LDLRAD4: variants seen among roughly 807,000 people sequenced by gnomAD.
The protein encoded by LDLRAD4 is low-density lipoprotein receptor class A domain-containing protein 4.
In LDLRAD4, 5 loss-of-function variants were observed where a neutral mutation model predicts 17.0. The observed-to-expected ratio is 0.29, with a 90% CI of 0.15 to 0.62. The LOEUF (loss-of-function observed/expected upper bound fraction) is 0.62. Among genes scored for constraint, LDLRAD4 ranks in the 20% least tolerant of loss-of-function variants. LDLRAD4 has a pLI of 0.84. For synonymous variants in LDLRAD4, 168 were observed against 171.8 expected (o/e 0.98, Z 0.17); for missense variants, 340 against 424.7 (o/e 0.80, Z 1.75).
intron 3 of LDLRAD4, chr18:13,611,675 G>C (rs942548981): frequency 2.0e-6 from 2 of 985,368 alleles, no homozygotes; most frequent in Non-Finnish European, 2.4e-6. Flanking sequence ...TAGGAACATT[G>C]AGCATCCTGA....
chr18:13,406,994 G>A (rs1346855614), intron 2 of LDLRAD4, among the ~76,000 whole-genome samples: 3 of 152,126 alleles, frequency 2.0e-5, no homozygotes, highest in Non-Finnish European at 2.9e-5. Flanking sequence ...CAGGACTGTC[G>A]GCCTCTGCCC....
At chr18:13,441,473 G>C (rs961264527) in intron 3 of LDLRAD4, among the ~76,000 whole-genome samples, 1 of 152,220 alleles carries the variant, frequency 6.6e-6, no homozygotes, top group Admixed American at 6.5e-5. Flanking sequence ...GGATTGGCTT[G>C]TGTGATCTAT....
chr18:13,391,325 T>C (rs2086259356), intron 2 of LDLRAD4, among the ~76,000 whole-genome samples: 1 of 152,076 alleles, frequency 6.6e-6, no homozygotes, highest in Non-Finnish European at 1.5e-5. Context: ...CTGGGAGACC[T>C]GCCATGAAGC....
intron 1 of LDLRAD4, among the ~76,000 whole-genome samples, chr18:13,311,696 G>A (rs2047242593): frequency 1.3e-5 from 2 of 152,196 alleles, no homozygotes; most frequent in Non-Finnish European, 2.9e-5. Flanking sequence ...TATGCCCAAA[G>A]GCCTGAGTCC....
chr18:13,465,476 T>C (rs1030109785), intron 3 of LDLRAD4, among the ~76,000 whole-genome samples: 1 of 152,068 alleles, frequency 6.6e-6, no homozygotes, highest in African/African-American at 2.4e-5. Flanking sequence ...TGAAAATGAG[T>C]AAAGGGGAGA....
chr18:13,503,190 G>A lies in LDLRAD4; in HGVS notation c.181+64806G>A, dbSNP rs181582682. On this transcript the variant is annotated intron_variant, in intron 3 of 5. Transcript: ENST00000359446. ...ATACTAGGGGCATTTAACGTTTTAA[G>A]CTTTCCTCCAGGGTTTTTTCCTCAG... 2.0e-5 allele frequency among the ~76,000 whole-genome samples: 3 copies of A among 152,344 alleles called. No homozygotes were observed. In the East Asian group the frequency reaches 5.8e-4, roughly 29 times the overall value.
chr18:13,651,170 T>A (rs1188668933), exon 6 of LDLRAD4: 2 of 152,232 alleles, frequency 1.3e-5, no homozygotes, highest in Non-Finnish European at 2.9e-5. Flanking sequence ...AAAGTGCACA[T>A]TTTTGTTGTT....
chr18:13,513,620 C>CA (rs760253157), intron 3 of LDLRAD4, among the ~76,000 whole-genome samples: 16 of 152,106 alleles, frequency 1.1e-4, no homozygotes, highest in Non-Finnish European at 2.2e-4. Context: ...CATCAGTCTC[C>CA]GTTTATTGTG....
At chr18:13,619,297 T>C (rs995417300) in intron 3 of LDLRAD4, among the ~76,000 whole-genome samples, 2 of 151,038 alleles carry the variant, frequency 1.3e-5, no homozygotes, top group African/African-American at 4.9e-5. Context: ...AGGGGCAGAG[T>C]CGAAGACTGT....
intron 3 of LDLRAD4, among the ~76,000 whole-genome samples, chr18:13,610,836 C>T (rs2039484099): frequency 6.6e-6 from 1 of 152,116 alleles, no homozygotes; most frequent in South Asian, 2.1e-4. Context: ...CTTCATTCAC[C>T]CAGCAGGGTG....
intron 3 of LDLRAD4, among the ~76,000 whole-genome samples, chr18:13,595,253 T>C (rs948979413): frequency 5.3e-5 from 8 of 152,144 alleles, no homozygotes; most frequent in African/African-American, 1.9e-4. Flanking sequence ...CTTCTTTTTT[T>C]CTTGATTTTG....
At position 13,332,730 on chromosome 18, in the gene LDLRAD4, A is replaced by AGC. The variant is rs1445410878; in HGVS notation, c.-383+54543_-383+54544dup. ...CTCCTATGCCTTTTTGTGGCTTGAT[A>AGC]GCTCATTTTTTTTGTTTTTTTTTTT... is the stretch of plus-strand genomic sequence containing the variant. On this transcript the variant is annotated intron_variant, in intron 1 of 5. Coordinates refer to ENST00000359446, the Ensembl canonical transcript of LDLRAD4. Among the ~76,000 whole-genome samples the AGC allele has an allele frequency of 4.2e-5, 6 of 142,700 alleles. No homozygotes were observed. In the East Asian group the frequency reaches 1.2e-3, roughly 29 times the overall value. The allele number at this position is 142,700 out of a possible 152,430, so 93.6% of individuals were successfully genotyped here.
chr18:13,511,195 C>T (rs1261029890), intron 3 of LDLRAD4, among the ~76,000 whole-genome samples: 1 of 152,082 alleles, frequency 6.6e-6, no homozygotes, highest in Non-Finnish European at 1.5e-5. Flanking sequence ...GTCCACTGAG[C>T]TTTAGATCCT....
exon 6 of LDLRAD4, chr18:13,647,394 G>A (rs925196993): frequency 6.6e-6 from 1 of 152,172 alleles, no homozygotes; most frequent in Non-Finnish European, 1.5e-5. Context: ...TGTGGAGGGT[G>A]GGCCTCTGTG....
At chr18:13,244,764 C>T (rs1434484379) in intron 1 of LDLRAD4, among the ~76,000 whole-genome samples, 2 of 152,124 alleles carry the variant, frequency 1.3e-5, no homozygotes, top group African/African-American at 4.8e-5. Context: ...TCTGAATGTT[C>T]TGTGTGGAAT....
intron 1 of LDLRAD4, chr18:13,280,075 G>A (rs142032300): frequency 6.6e-6 from 1 of 152,384 alleles, no homozygotes; most frequent in Non-Finnish European, 1.5e-5. Flanking sequence ...ACTGCAGGAT[G>A]TGCCTGTCTC....
chr18:13,233,062 C>T (rs1408438105), intron 1 of LDLRAD4, among the ~76,000 whole-genome samples: 1 of 152,236 alleles, frequency 6.6e-6, no homozygotes, highest in Non-Finnish European at 1.5e-5. Context: ...GGACTCTAGA[C>T]GATGGCAGAG....
intron 2 of LDLRAD4, among the ~76,000 whole-genome samples, chr18:13,412,728 G>A (rs1327012777): frequency 6.6e-6 from 1 of 152,174 alleles, no homozygotes; most frequent in Non-Finnish European, 1.5e-5. Context: ...GGAGGGCATG[G>A]ATTTTTGTCT....
intron 3 of LDLRAD4, among the ~76,000 whole-genome samples, chr18:13,586,885 A>G (rs554946522): frequency 7.6e-4 from 116 of 152,014 alleles, no homozygotes; most frequent in African/African-American, 2.5e-3. Context: ...AAAAGGAAAA[A>G]AAAATAGGGG....
Sources: allele counts gnomAD v4.1 joint callset (sites outside exome capture counted in the v4.1 genomes callset), GRCh38; gene constraint gnomAD v4.1.1; transcripts MANE v1.5; gene names NCBI Gene and HGNC (gene_info 2026-07-23, HGNC 2026-07-21).